The following RRP15 variants were observed in gnomAD, a reference collection of about 807,000 sequenced individuals.
RRP15 encodes the protein RRP15-like protein.
A neutral mutation model predicts 27.1 loss-of-function variants in RRP15; 18 were observed. The observed-to-expected ratio is 0.66, with a 90% CI of 0.46 to 0.98. The LOEUF is 0.98. RRP15 is among the 50% of genes least tolerant of loss of function. RRP15 has a pLI of 0.00. For missense variants in RRP15, 359 were observed against 337.8 expected, an observed-to-expected ratio of 1.06 and a Z score of -0.49; for synonymous variants, 107 against 109.4, an observed-to-expected ratio of 0.98 and a Z score of 0.14.
intron 3 of RRP15, among the ~76,000 whole-genome samples, chr1:218,306,866 T>C (rs773443897): frequency 9.9e-5 from 15 of 152,214 alleles, no homozygotes; most frequent in Admixed American, 9.2e-4. Flanking sequence ...ACTGAGTCTT[T>C]GAAATCTGGT....
intron 4 of RRP15, among the ~76,000 whole-genome samples, chr1:218,320,609 C>T (rs964398591): frequency 2.6e-5 from 4 of 151,830 alleles, no homozygotes; most frequent in Admixed American, 6.6e-5. Flanking sequence ...CAAATAGAAC[C>T]GCTTTGAACA....
At chr1:218,320,702 CA>C (rs151272287) in intron 4 of RRP15, among the ~76,000 whole-genome samples, 130 of 151,882 alleles carry the variant, frequency 8.6e-4, no homozygotes, top group African/African-American at 3.0e-3. Context: ...CCCCATTCTG[CA>C]CACTCTTCAT....
At chr1:218,305,486 A>G (rs1655885758) in intron 3 of RRP15, among the ~76,000 whole-genome samples, 1 of 152,196 alleles carries the variant, frequency 6.6e-6, no homozygotes, top group Admixed American at 6.5e-5. Flanking sequence ...TACACATTAT[A>G]GCTATTTCAT....
chr1:218,289,242 A>G (rs1655596468), intron 1 of RRP15, among the ~76,000 whole-genome samples: 1 of 152,178 alleles, frequency 6.6e-6, no homozygotes. Context: ...TCCCCAGAAA[A>G]GAGGTTTGAA....
At chr1:218,306,048 A>G (rs1418522073) in intron 3 of RRP15, among the ~76,000 whole-genome samples, 1 of 152,170 alleles carries the variant, frequency 6.6e-6, no homozygotes, top group South Asian at 2.1e-4. Flanking sequence ...GTACAGGCTC[A>G]GTACATGAGA....
chr1:218,285,364 GAA>G lies in RRP15; in HGVS notation c.52_53del (p.Lys18AspfsTer26). On this transcript the variant is annotated frameshift_variant, in exon 1 of 5. Coordinates refer to ENST00000366932, the MANE Select transcript of RRP15 (RefSeq NM_016052.4). LOFTEE classifies it high-confidence loss of function. ...DSRVSEEENL[K>X]KTPKKKMKMV... ...CACGTGTGAGTGAGGAAGAAAACCT[GAA>G]AAAGACCCCAAAGAAGAAGATGAAA... The G allele has an allele frequency of 6.2e-7, 1 of 1,614,108 alleles. No individual in the cohort carries two copies. Among genetic ancestry groups the G allele is most frequent in the Non-Finnish European group, 8.5e-7 (1 of 1,180,006 alleles).
intron 1 of RRP15, among the ~76,000 whole-genome samples, chr1:218,289,460 G>T (rs780319169): frequency 6.6e-6 from 1 of 152,152 alleles, no homozygotes; most frequent in Non-Finnish European, 1.5e-5. Flanking sequence ...TTCAAGATCA[G>T]TGATAACGAT....
At chr1:218,318,755 T>C (rs964067073) in intron 4 of RRP15, among the ~76,000 whole-genome samples, 1 of 151,860 alleles carries the variant, frequency 6.6e-6, no homozygotes, top group African/African-American at 2.4e-5. Flanking sequence ...TTTTTTTTTT[T>C]ATTAAAGGTG....
In RRP15 at chr1:218,305,028, C is replaced by A; in HGVS notation, c.406C>A (p.Arg136Ser). 2.5e-6 allele frequency: 4 copies of A among 1,611,410 alleles called. No homozygotes were observed. Among genetic ancestry groups the A allele is most frequent in the Non-Finnish European group, 3.4e-6 (4 of 1,177,998 alleles). The stretch of plus-strand genomic sequence containing the variant: ...TCACATAACAATATTTATAACGCAG[C>A]GTGATAAGAGGCTGGAGTGGGAAAT... ...KQERLEKIKQRDKRLEWEMMC... is the reference protein window; with the variant it reads ...KQERLEKIKQSDKRLEWEMMC... Residue 136 changes from arginine to serine, a missense_variant and splice_region_variant, in exon 3 of 5, where the codon CGT becomes AGT. Transcript: ENST00000366932.
In RRP15 at chr1:218,331,200, C is replaced by A; in HGVS notation, c.*109C>A. On this transcript the variant is annotated 3_prime_UTR_variant, in exon 5 of 5. Coordinates refer to ENST00000366932, the MANE Select transcript of RRP15 (RefSeq NM_016052.4). Reference sequence around the variant, plus strand: ...TACCATTTGTAAGAAAGCCAAAAGACTTTTGCCAGATTTCATATTTCCCCT... The same window carrying A: ...TACCATTTGTAAGAAAGCCAAAAGAATTTTGCCAGATTTCATATTTCCCCT... The A allele has an allele frequency of 9.7e-7, 1 of 1,028,854 alleles. No individual in the cohort carries two copies. Among genetic ancestry groups the A allele is most frequent in the Non-Finnish European group, 1.4e-6 (1 of 732,496 alleles). The allele number at this position is 1,028,854 out of a possible 1,614,324, so 63.7% of individuals were successfully genotyped here. A position where few individuals can be genotyped will look rare whatever the true frequency, so the allele number is the denominator to read the frequency against.
chr1:218,333,860 C>A lies in RRP15; in HGVS notation c.*2769C>A, dbSNP rs1656411166. 2 of 152,160 alleles carry A rather than the reference C, an allele frequency of 1.3e-5. No homozygotes were observed. The highest frequency in any genetic ancestry group is 2.9e-5 in the Non-Finnish European group (2 of 68,026). The allele number at this position is 152,160 out of a possible 1,614,324, so 9.4% of individuals were successfully genotyped here. On this transcript the variant is annotated 3_prime_UTR_variant, in exon 5 of 5. Transcript: ENST00000366932. ...ATTCCTGCCTCCCCATTTATTTAAA[C>A]ATAACACCTAGGATTTTATTTTTGG...
intron 1 of RRP15, among the ~76,000 whole-genome samples, chr1:218,296,129 A>C (rs984405234): frequency 3.4e-4 from 52 of 152,174 alleles, no homozygotes; most frequent in African/African-American, 1.1e-3. Flanking sequence ...GCTTAGATAG[A>C]AATTTTTTAA....
chr1:218,326,198 C>T (rs1349939864), intron 4 of RRP15, among the ~76,000 whole-genome samples: 2 of 152,018 alleles, frequency 1.3e-5, no homozygotes, highest in Admixed American at 6.6e-5. Context: ...CCCAGCTACT[C>T]GGGAGGCTGA....
At chr1:218,317,280 T>C (rs1173874551) in intron 4 of RRP15, among the ~76,000 whole-genome samples, 3 of 152,252 alleles carry the variant, frequency 2.0e-5, no homozygotes. Context: ...TGCCAGATGC[T>C]GTGGCAGATG....
chr1:218,323,172 C>T (rs1376368133), intron 4 of RRP15, among the ~76,000 whole-genome samples: 1 of 152,206 alleles, frequency 6.6e-6, no homozygotes, highest in Non-Finnish European at 1.5e-5. Context: ...GCTCTTCTCT[C>T]CTTCTTCTTT....
At chr1:218,297,616 A>G (rs1001771796) in intron 1 of RRP15, among the ~76,000 whole-genome samples, 3 of 152,266 alleles carry the variant, frequency 2.0e-5, no homozygotes, top group Non-Finnish European at 2.9e-5. Context: ...GTCCCTTACT[A>G]ACTGTCCTCA....
chr1:218,304,883 C>A, intron 2 of RRP15, 145 bp from the exon 3 acceptor site: 1 of 690,564 alleles, frequency 1.4e-6, no homozygotes. Flanking sequence ...AGCTAAACCC[C>A]TAACATTGTG....
chr1:218,307,706 CTA>C, intron 4 of RRP15, 74 bp downstream of exon 4: 1 of 983,670 alleles, frequency 1.0e-6, no homozygotes, highest in Non-Finnish European at 1.5e-6. Context: ...GAAAACCAGA[CTA>C]TAGAATTACA....
chr1:218,302,523 AAAGTT>A lies in RRP15; in HGVS notation c.372_376del (p.Leu125AlafsTer11). ...ATAAGAAGCTGGAAAAGGAAAAAGAAAAGTTAAAGCAAGAAAGACTAGAGAAAATA... is the reference window on the plus strand; with the variant it reads ...ATAAGAAGCTGGAAAAGGAAAAAGAAAAAGCAAGAAAGACTAGAGAAAATA... On this transcript the variant is annotated frameshift_variant, in exon 2 of 5. Coordinates refer to ENST00000366932, the MANE Select transcript of RRP15 (RefSeq NM_016052.4). LOFTEE classifies it high-confidence loss of function. The A allele has an allele frequency of 6.2e-7, 1 of 1,613,388 alleles. No homozygotes were observed. The highest frequency in any genetic ancestry group is 8.5e-7 in the Non-Finnish European group (1 of 1,179,804).
Sources: allele counts gnomAD v4.1 joint callset (sites outside exome capture counted in the v4.1 genomes callset), GRCh38; gene constraint gnomAD v4.1.1; transcripts MANE v1.5; gene names NCBI Gene and HGNC (gene_info 2026-07-23, HGNC 2026-07-21).